FMN1: variants seen among roughly 807,000 people sequenced by gnomAD.
FMN1 encodes formin 1, also known as formin-1.
In FMN1, 110 loss-of-function variants were observed where a neutral mutation model predicts 132.4. The ratio of observed to expected loss-of-function variants is 0.83; its 90% CI spans 0.71 to 0.97. FMN1 has a LOEUF of 0.97. FMN1 is among the 50% of genes least tolerant of loss of function. The pLI is 0.00. For synonymous variants in FMN1, 722 were observed against 651.7 expected (o/e 1.11, Z -1.64); for missense variants, 1,792 against 1,705.3 (o/e 1.05, Z -0.90).
intron 6 of FMN1, among the ~76,000 whole-genome samples, chr15:33,031,760 T>C (rs555671427): frequency 4.1e-4 from 63 of 152,216 alleles, no homozygotes; most frequent in Non-Finnish European, 5.4e-4. Context: ...AATTCACATA[T>C]TCCCACTGAC....
chr15:33,012,008 C>A, intron 6 of FMN1: 1 of 249,148 alleles, frequency 4.0e-6, no homozygotes, highest in Non-Finnish European at 7.8e-6. Flanking sequence ...TTAATGCTTT[C>A]TTAACCAACA....
chr15:33,032,195 G>A (rs2035970727), intron 6 of FMN1, among the ~76,000 whole-genome samples: 2 of 152,184 alleles, frequency 1.3e-5, no homozygotes, highest in South Asian at 2.1e-4. Context: ...AAAGAGAAAA[G>A]CAGACTACCT....
intron 7 of FMN1, 56 bp downstream of exon 7, chr15:33,007,958 G>A (rs192759610): frequency 2.1e-6 from 3 of 1,439,270 alleles, no homozygotes; most frequent in African/African-American, 1.4e-5. Flanking sequence ...TTCAGCATAG[G>A]AGAAAACCAA....
chr15:33,148,321 G>A (rs78870114), intron 4 of FMN1, among the ~76,000 whole-genome samples: 6,275 of 152,202 alleles, frequency 0.041, 434 homozygotes, highest in African/African-American at 0.14. Flanking sequence ...TTCTACCGAA[G>A]TAACTCCCTC....
rs36044117 is a variant in FMN1, at chr15:32,909,881, T to TA, written c.3288+592dup. On this transcript the variant is annotated intron_variant, in intron 11 of 20. Transcript: ENST00000616417. The stretch of plus-strand genomic sequence containing the variant: ...TACATATATTAAATCCTCATTTGAC[T>TA]AAAAAAAAAAAATCAGAGCCTACTA... Among the ~76,000 whole-genome samples, 60 of 146,116 alleles carry TA rather than the reference T, an allele frequency of 4.1e-4. 1 individual carries two copies. Among genetic ancestry groups the TA allele is most frequent in the East Asian group, 1.2e-3 (6 of 5,026 alleles).
At chr15:33,095,002 G>A (rs1022607175) in intron 4 of FMN1, among the ~76,000 whole-genome samples, 19 of 152,200 alleles carry the variant, frequency 1.2e-4, no homozygotes, top group African/African-American at 4.3e-4. Flanking sequence ...CAAAACATTA[G>A]ATGTTAGTAC....
intron 5 of FMN1, among the ~76,000 whole-genome samples, chr15:33,084,877 T>C (rs1364549647): frequency 1.3e-5 from 2 of 152,188 alleles, no homozygotes; most frequent in African/African-American, 4.8e-5. Flanking sequence ...GTATGAGATG[T>C]TTTACCTTTC....
rs541667117 is a variant in FMN1, at chr15:33,058,682, G to A, written c.2161+6275C>T. Among the ~76,000 whole-genome samples the A allele has an allele frequency of 4.5e-4, 69 of 152,298 alleles. 1 individual carries two copies. The highest frequency in any genetic ancestry group is 1.6e-3 in the African/African-American group (68 of 41,578). On this transcript the variant is annotated intron_variant, in intron 6 of 20. Coordinates refer to ENST00000616417, the MANE Select transcript of FMN1 (RefSeq NM_001277313.2). ...GAGTTTTTGCAGATGAGTCCAGTGA[G>A]CCAGGATGGCCTCATATGCTCTACT...
chr15:32,899,469 T>C (rs1329371367), intron 14 of FMN1, among the ~76,000 whole-genome samples: 1 of 152,156 alleles, frequency 6.6e-6, no homozygotes, highest in Non-Finnish European at 1.5e-5. Flanking sequence ...GACGCCTAGC[T>C]ATGGGCTGAT....
intron 16 of FMN1, among the ~76,000 whole-genome samples, chr15:32,876,749 A>T (rs2059646371): frequency 6.6e-6 from 1 of 152,270 alleles, no homozygotes; most frequent in Non-Finnish European, 1.5e-5. Flanking sequence ...AAAATACAGT[A>T]GGGAAATTAC....
chr15:32,991,958 A>C (rs2033460634), intron 7 of FMN1, among the ~76,000 whole-genome samples: 2 of 152,162 alleles, frequency 1.3e-5, no homozygotes, highest in African/African-American at 4.8e-5. Flanking sequence ...TAAACGACTA[A>C]AATGTTCTTT....
chr15:33,171,096 G>T (rs1307985742), intron 3 of FMN1, among the ~76,000 whole-genome samples: 1 of 152,124 alleles, frequency 6.6e-6, no homozygotes, highest in Non-Finnish European at 1.5e-5. Flanking sequence ...AGAACTGGAG[G>T]TCATTAAATA....
chr15:33,155,934 T>C (rs147772211), intron 3 of FMN1, among the ~76,000 whole-genome samples: 96 of 152,352 alleles, frequency 6.3e-4, no homozygotes, highest in African/African-American at 2.3e-3. Flanking sequence ...CTTAAGCTAT[T>C]GCCCAGTCTT....
At chr15:33,119,780 G>C (rs28477748) in intron 4 of FMN1, among the ~76,000 whole-genome samples, 1 of 152,036 alleles carries the variant, frequency 6.6e-6, no homozygotes, top group Admixed American at 6.6e-5. Flanking sequence ...AAATGTGTTA[G>C]GAATTTCATT....
chr15:33,077,007 G>A (rs2038238404), intron 5 of FMN1, among the ~76,000 whole-genome samples: 1 of 152,180 alleles, frequency 6.6e-6, no homozygotes. Context: ...CAAAGGAGAA[G>A]GTAAGTCAGG....
intron 10 of FMN1, among the ~76,000 whole-genome samples, chr15:32,917,791 A>C (rs1567388621): frequency 6.6e-6 from 1 of 152,192 alleles, no homozygotes; most frequent in Non-Finnish European, 1.5e-5. Flanking sequence ...TCAATGAATT[A>C]ACCAATTAAG....
At chr15:33,030,110 A>G (rs747036849) in intron 6 of FMN1, among the ~76,000 whole-genome samples, 5 of 152,238 alleles carry the variant, frequency 3.3e-5, no homozygotes, top group Non-Finnish European at 7.3e-5. Flanking sequence ...GCCAGCTGAG[A>G]TTGCACCACT....
intron 7 of FMN1, among the ~76,000 whole-genome samples, chr15:32,975,921 A>T (rs529496280): frequency 6.6e-6 from 1 of 152,222 alleles, no homozygotes; most frequent in African/African-American, 2.4e-5. Flanking sequence ...CAGAGATATC[A>T]TCGAAGGAAC....
At chr15:33,127,170 A>T (rs889371038) in intron 4 of FMN1, among the ~76,000 whole-genome samples, 1 of 151,942 alleles carries the variant, frequency 6.6e-6, no homozygotes, top group Admixed American at 6.5e-5. Context: ...TCTCAAACAG[A>T]GAGGAGGTCA....
Sources: gnomAD v4.1 joint callset for allele counts (sites outside exome capture counted in the v4.1 genomes callset) on GRCh38, gnomAD v4.1.1 for gene constraint, MANE v1.5 for transcripts, NCBI Gene and HGNC (gene_info 2026-07-23, HGNC 2026-07-21) for gene names.